The following ATF7IP variants were observed in gnomAD, a reference collection of about 807,000 sequenced individuals.
ATF7IP encodes the protein activating transcription factor 7 interacting protein.
In ATF7IP, 23 loss-of-function variants were observed where a neutral mutation model predicts 106.4. The observed-to-expected ratio is 0.22, with a 90% CI of 0.16 to 0.31. The LOEUF is 0.31. Ranked by LOEUF, ATF7IP falls within the 10% of genes least tolerant of loss-of-function variation. The probability of loss-of-function intolerance (pLI) is 1.00; values close to 1 mark genes in which losing one functional copy is unlikely to be tolerated. For missense variants in ATF7IP, 1,334 were observed against 1,524.3 expected (o/e 0.88, Z 2.08); for synonymous variants, 542 against 539.0 (o/e 1.01, Z -0.08).
intron 1 of ATF7IP, among the ~76,000 whole-genome samples, chr12:14,400,645 G>A (rs1199600983): frequency 1.3e-5 from 2 of 152,008 alleles, no homozygotes; most frequent in African/African-American, 4.8e-5. Flanking sequence ...TAGGCATCCT[G>A]ATATATTCCT....
At chr12:14,405,403 C>CTTTTTTTTT (rs145211652) in intron 1 of ATF7IP, among the ~76,000 whole-genome samples, 3 of 83,568 alleles carry the variant, frequency 3.6e-5, no homozygotes, top group African/African-American at 9.0e-5. Flanking sequence ...TTTCTTTCAT[C>CTTTTTTTTT]TTTTTTTTTT....
At chr12:14,409,065 C>A (rs990738625) in intron 1 of ATF7IP, among the ~76,000 whole-genome samples, 28 of 151,998 alleles carry the variant, frequency 1.8e-4, no homozygotes, top group Non-Finnish European at 4.0e-4. Flanking sequence ...GCTTTGGACA[C>A]TTAAAATGTA....
intron 10 of ATF7IP, among the ~76,000 whole-genome samples, chr12:14,471,343 G>C (rs1700284136): frequency 6.6e-6 from 1 of 152,130 alleles, no homozygotes; most frequent in Admixed American, 6.5e-5. Context: ...GCCTTTTGCT[G>C]TAGTGGTTTT....
At chr12:14,387,563 T>C (rs1379783152) in intron 1 of ATF7IP, among the ~76,000 whole-genome samples, 1 of 152,208 alleles carries the variant, frequency 6.6e-6, no homozygotes, top group Non-Finnish European at 1.5e-5. Flanking sequence ...TATTTGCCGC[T>C]ACCCTCTACA....
rs1944328749 is a variant in ATF7IP at position 14,478,454 on chromosome 12, A to G, written c.3079A>G (p.Ile1027Val). 3 of 1,614,062 alleles carry G rather than the reference A, an allele frequency of 1.9e-6. No homozygotes were observed. Among genetic ancestry groups the G allele is most frequent in the Non-Finnish European group, 8.5e-7 (1 of 1,179,940 alleles). ...AACAAGTGGACCATCTCAGACCACC[A>G]TACACTTACTACCTACAGGTAAATT... Reference protein sequence around the residue: ...VPTSGPSQTTIHLLPTAPTTV... With the variant: ...VPTSGPSQTTVHLLPTAPTTV... Residue 1027 changes from isoleucine to valine, a missense_variant, in exon 12 of 15, where the codon ATA becomes GTA. Physicochemically the swap from Ile to Val is conservative, Grantham distance 29 (BLOSUM62 3). Coordinates refer to ENST00000261168, the MANE Select transcript of ATF7IP (RefSeq NM_018179.5).
intron 12 of ATF7IP, among the ~76,000 whole-genome samples, chr12:14,480,061 A>G (rs2136808059): frequency 6.6e-6 from 1 of 152,212 alleles, no homozygotes; most frequent in South Asian, 2.1e-4. Context: ...GTTTCTGAAG[A>G]CTCACATCGA....
rs1591985412 is a variant in ATF7IP at position 14,498,445 on chromosome 12, G to A, written c.*372G>A. ...GAAGTAAGTAGATCAAAGGATTTGA[G>A]ATGTGTAACTGGCATGATTCTGCTT... On this transcript the variant is annotated 3_prime_UTR_variant, in exon 15 of 15. Transcript: ENST00000261168. The A allele has an allele frequency of 5.6e-6, 1 of 178,742 alleles. No homozygotes were observed. Among genetic ancestry groups the A allele is most frequent in the South Asian group, 1.7e-4 (1 of 5,794 alleles). The allele number at this position is 178,742 out of a possible 1,614,324, so 11.1% of individuals were successfully genotyped here. A position where few individuals can be genotyped will look rare whatever the true frequency, so the allele number is the denominator to read the frequency against.
At chr12:14,446,489 T>C (rs1209934796) in intron 5 of ATF7IP, among the ~76,000 whole-genome samples, 2 of 152,310 alleles carry the variant, frequency 1.3e-5, no homozygotes, top group Admixed American at 1.3e-4. Context: ...TAACAGAATA[T>C]GTAATTTAAT....
At chr12:14,426,840 AAAAAAAAAAAG>A (rs1342667539) in intron 2 of ATF7IP, among the ~76,000 whole-genome samples, 10 of 145,268 alleles carry the variant, frequency 6.9e-5, no homozygotes, top group Admixed American at 3.6e-4. Context: ...AAAAAAAAAA[AAAAAAAAAAAG>A]GATGGCTTTT....
chr12:14,431,685 C>CTGT (rs1224082164), intron 2 of ATF7IP, among the ~76,000 whole-genome samples: 1 of 152,042 alleles, frequency 6.6e-6, no homozygotes, highest in African/African-American at 2.4e-5. Flanking sequence ...TGAGCCACCA[C>CTGT]ACCCGGCAGT....
At chr12:14,462,288 C>T (rs1354855917) in intron 9 of ATF7IP, among the ~76,000 whole-genome samples, 2 of 151,970 alleles carry the variant, frequency 1.3e-5, no homozygotes, top group East Asian at 3.8e-4. Context: ...TTCATGTTTA[C>T]AACACTAAAA....
intron 1 of ATF7IP, among the ~76,000 whole-genome samples, chr12:14,413,288 T>A (rs1941024324): frequency 6.6e-6 from 1 of 152,180 alleles, no homozygotes; most frequent in Non-Finnish European, 1.5e-5. Context: ...TGAGATAATT[T>A]AATACTTAGA....
chr12:14,456,843 A>C (rs895770175), intron 7 of ATF7IP, among the ~76,000 whole-genome samples: 2 of 152,192 alleles, frequency 1.3e-5, no homozygotes, highest in African/African-American at 2.4e-5. Flanking sequence ...TTCTTTGGTC[A>C]CTATATATTT....
chr12:14,405,505 C>T (rs115172067), intron 1 of ATF7IP, among the ~76,000 whole-genome samples: 2,336 of 142,960 alleles, frequency 0.016, 25 homozygotes, highest in Admixed American at 0.022. Flanking sequence ...ACCTTGACCT[C>T]TCAGGCTCAA....
At chr12:14,398,165 CT>C (rs1451727909) in intron 1 of ATF7IP, among the ~76,000 whole-genome samples, 1 of 151,816 alleles carries the variant, frequency 6.6e-6, no homozygotes, top group Non-Finnish European at 1.5e-5. Context: ...TAATTGCTTG[CT>C]CATTTGTTTT....
At chr12:14,386,317 G>A (rs1225823661) in intron 1 of ATF7IP, among the ~76,000 whole-genome samples, 1 of 152,116 alleles carries the variant, frequency 6.6e-6, no homozygotes, top group African/African-American at 2.4e-5. Context: ...ATGGGAGAAT[G>A]AAATTCTTAT....
chr12:14,424,519 G>GGTGATCCCACCTCTA lies in ATF7IP; in HGVS notation c.614_628dup (p.Thr205_Pro209dup), dbSNP rs776014872. On this transcript the variant is annotated inframe_insertion, in exon 2 of 15. Coordinates refer to ENST00000261168, the MANE Select transcript of ATF7IP (RefSeq NM_018179.5). The stretch of plus-strand genomic sequence containing the variant: ...TGCCACTGCTGATGATCTCTCCTCT[G>GGTGATCCCACCTCTA]GTGATCCCACCTCTAGTGATCCCAT... 1 of 1,614,132 alleles carries GGTGATCCCACCTCTA rather than the reference G, an allele frequency of 6.2e-7. No homozygotes were observed. Among genetic ancestry groups the GGTGATCCCACCTCTA allele is most frequent in the South Asian group, 1.1e-5 (1 of 91,082 alleles).
intron 6 of ATF7IP, among the ~76,000 whole-genome samples, chr12:14,451,112 A>G (rs899790852): frequency 6.6e-6 from 1 of 151,896 alleles, no homozygotes. Flanking sequence ...TTTACTTTTA[A>G]TAATTCAGTC....
intron 1 of ATF7IP, among the ~76,000 whole-genome samples, chr12:14,395,708 A>T (rs964976649): frequency 6.6e-6 from 1 of 152,144 alleles, no homozygotes; most frequent in Non-Finnish European, 1.5e-5. Context: ...CAGAGTGCTT[A>T]TGTTTTCAAA....
Sources: gnomAD v4.1 joint callset for allele counts (sites outside exome capture counted in the v4.1 genomes callset) on GRCh38, gnomAD v4.1.1 for gene constraint, MANE v1.5 for transcripts, NCBI Gene and HGNC (gene_info 2026-07-23, HGNC 2026-07-21) for gene names.